DGKI: variants seen among roughly 807,000 people sequenced by gnomAD.
DGKI encodes the protein DAG kinase iota.
In DGKI, 55 loss-of-function variants were observed where a neutral mutation model predicts 147.5. That is an observed-to-expected ratio of 0.37 (90% CI 0.30 to 0.47). DGKI has a LOEUF of 0.47. DGKI is among the 20% of genes least tolerant of loss of function. The pLI, the probability that DGKI is intolerant of heterozygous loss-of-function variation, is 1.00. For missense variants in DGKI, 1,007 were observed against 1,323.8 expected, an observed-to-expected ratio of 0.76 and a Z score of 3.71; for synonymous variants, 469 against 477.1, an observed-to-expected ratio of 0.98 and a Z score of 0.22.
rs1823717175 is a variant in DGKI at position 137,694,386 on chromosome 7, CA to C, written c.402-4385del. Among the ~76,000 whole-genome samples the C allele has an allele frequency of 2.0e-5, 3 of 152,154 alleles. No individual in the cohort carries two copies. In the South Asian group the frequency reaches 6.2e-4, roughly 32 times the overall value. Reference sequence around the variant, plus strand: ...CCAGAGATACCCTTTTCTAATTACCCACTTTGCAAATTTCTCTCAATTTCCT... The same window carrying C: ...CCAGAGATACCCTTTTCTAATTACCCCTTTGCAAATTTCTCTCAATTTCCT... On this transcript the variant is annotated intron_variant, in intron 1 of 32. Transcript: ENST00000614521.
intron 30 of DGKI, among the ~76,000 whole-genome samples, chr7:137,399,476 T>C (rs1348964987): frequency 3.3e-5 from 5 of 152,200 alleles, no homozygotes; most frequent in Non-Finnish European, 7.3e-5. Context: ...GCGAGGTTTC[T>C]GGAGCTGTCC....
rs372246748 is a variant in DGKI at position 137,504,108 on chromosome 7, AC to A, written c.2249-16420del. 1.1e-4 allele frequency among the ~76,000 whole-genome samples: 17 copies of A among 152,328 alleles called. No homozygotes were observed. In the South Asian group the frequency reaches 2.9e-3, roughly 26 times the overall value. ...GCCAAAGCAGAAAGAGCCACCTTTC[AC>A]ACTAAGTCCATGTGAAAGTGATAAT... On this transcript the variant is annotated intron_variant, in intron 21 of 32. Transcript: ENST00000614521.
intron 1 of DGKI, among the ~76,000 whole-genome samples, chr7:137,770,381 TAGATG>T (rs1563189940): frequency 9.2e-5 from 14 of 152,192 alleles, no homozygotes; most frequent in Admixed American, 4.6e-4. Context: ...GCTTAAAACC[TAGATG>T]ACGGGTTGAT....
intron 27 of DGKI, among the ~76,000 whole-genome samples, chr7:137,457,734 A>C (rs1165395549): frequency 6.6e-6 from 1 of 152,148 alleles, no homozygotes. Context: ...ACTACCATTG[A>C]ATGTTTTCCA....
chr7:137,736,310 G>A (rs912657214), intron 1 of DGKI, among the ~76,000 whole-genome samples: 2 of 152,048 alleles, frequency 1.3e-5, no homozygotes, highest in Non-Finnish European at 2.9e-5. Context: ...CATCAAGCTA[G>A]GTTGCACGAG....
intron 10 of DGKI, among the ~76,000 whole-genome samples, chr7:137,600,840 T>C (rs1426648020): frequency 3.3e-5 from 5 of 152,226 alleles, no homozygotes; most frequent in African/African-American, 1.2e-4. Flanking sequence ...TATACTGGTT[T>C]GTTTAAGCCA....
In DGKI at chr7:137,770,664, G is replaced by A. The variant is rs1239311429; in HGVS notation, c.401+75798C>T. 2.1e-5 allele frequency among the ~76,000 whole-genome samples: 2 copies of A among 95,430 alleles called. 1 individual carries two copies. Among genetic ancestry groups the A allele is most frequent in the Non-Finnish European group, 3.7e-5 (2 of 53,710 alleles). 62.6% of individuals were successfully genotyped at this position (95,430 alleles called of 152,430 possible). On this transcript the variant is annotated intron_variant, in intron 1 of 32. Transcript: ENST00000614521. Reference sequence around the variant, plus strand: ...TTCTCCTGCCTCAGCCTCCCAAGTAGCTGGGACTACAGGCGCCCGCCACTA... The same window carrying A: ...TTCTCCTGCCTCAGCCTCCCAAGTAACTGGGACTACAGGCGCCCGCCACTA...
Position 137,485,271 on chromosome 7 carries a change from C to A in DGKI, c.2373+103G>T, listed in dbSNP as rs560274049. 32 of 885,712 alleles carry A rather than the reference C, an allele frequency of 3.6e-5. No homozygotes were observed. The African/African-American group carries it at 5.1e-4, about 14-fold the overall frequency. The allele number at this position is 885,712 out of a possible 1,614,324, so 54.9% of individuals were successfully genotyped here. ...ACTAGATTCTTAGAATGAACTCTAT[C>A]CCTAGGGAAGATGTGAACTCTAAAT... is the stretch of plus-strand genomic sequence containing the variant. On this transcript the variant is annotated intron_variant, in intron 23 of 32. Transcript: ENST00000614521.
intron 20 of DGKI, among the ~76,000 whole-genome samples, chr7:137,548,479 T>C (rs834057): frequency 0.11 from 16,569 of 151,904 alleles, 2,038 homozygotes; most frequent in African/African-American, 0.3. Context: ...ATGTGAGAAT[T>C]AGTTGTTTAA....
chr7:137,461,855 AAG>A (rs1814455670), intron 27 of DGKI, among the ~76,000 whole-genome samples: 1 of 152,212 alleles, frequency 6.6e-6, no homozygotes, highest in South Asian at 2.1e-4. Context: ...ACCAAAAATT[AAG>A]AGACATCCCT....
chr7:137,400,667 G>T (rs916864850), intron 30 of DGKI, among the ~76,000 whole-genome samples: 7 of 151,980 alleles, frequency 4.6e-5, no homozygotes, highest in African/African-American at 1.2e-4. Context: ...TTCCCTCCAC[G>T]CCCTTTCATC....
At chr7:137,738,551 G>A (rs2116696391) in intron 1 of DGKI, among the ~76,000 whole-genome samples, 1 of 152,194 alleles carries the variant, frequency 6.6e-6, no homozygotes, top group Non-Finnish European at 1.5e-5. Flanking sequence ...AAAAAGATGT[G>A]TTTATAAACT....
At chr7:137,417,458 G>A (rs1812401330) in intron 28 of DGKI, among the ~76,000 whole-genome samples, 1 of 152,090 alleles carries the variant, frequency 6.6e-6, no homozygotes, top group Non-Finnish European at 1.5e-5. Context: ...CAGAAAACTG[G>A]GACTGAGAAG....
intron 20 of DGKI, among the ~76,000 whole-genome samples, chr7:137,551,150 G>T (rs1818032025): frequency 6.6e-6 from 1 of 152,128 alleles, no homozygotes; most frequent in African/African-American, 2.4e-5. Context: ...AATTCTGGGG[G>T]AAGTCCAGAT....
At chr7:137,697,749 A>G (rs1203139227) in intron 1 of DGKI, among the ~76,000 whole-genome samples, 1 of 152,176 alleles carries the variant, frequency 6.6e-6, no homozygotes, top group Non-Finnish European at 1.5e-5. Flanking sequence ...CAATTACTAA[A>G]TAAAAAGATT....
chr7:137,473,994 G>C (rs10235650), intron 23 of DGKI, among the ~76,000 whole-genome samples: 28,819 of 152,048 alleles, frequency 0.19, 4,028 homozygotes, highest in African/African-American at 0.39. Context: ...TCTAACTTCT[G>C]TGAAATGCTT....
chr7:137,527,191 A>G (rs1158264114), intron 20 of DGKI, among the ~76,000 whole-genome samples: 1 of 142,870 alleles, frequency 7.0e-6, no homozygotes, highest in Non-Finnish European at 1.5e-5. Context: ...TGAGACATAT[A>G]TAAGGCAGTT....
chr7:137,439,154 G>T (rs1202225345), intron 28 of DGKI, among the ~76,000 whole-genome samples: 2 of 152,122 alleles, frequency 1.3e-5, no homozygotes, highest in Non-Finnish European at 2.9e-5. Context: ...TTTAAACTGA[G>T]CAGATAACAT....
rs745381286 is a variant in DGKI, at chr7:137,788,635, T to TACACACAC, written c.401+57819_401+57826dup. On this transcript the variant is annotated intron_variant, in intron 1 of 32. Transcript: ENST00000614521. Reference sequence around the variant, plus strand: ...TGCCCTGCATACCCAAACCCATAAATACACACACACACACACACACACACA... The same window carrying TACACACAC: ...TGCCCTGCATACCCAAACCCATAAATACACACACACACACACACACACACACACACACA... 2.1e-3 allele frequency among the ~76,000 whole-genome samples: 249 copies of TACACACAC among 120,206 alleles called. 4 individuals are homozygous for TACACACAC. The highest frequency in any genetic ancestry group is 5.0e-3 in the African/African-American group (137 of 27,140). 78.9% of individuals were successfully genotyped at this position (120,206 alleles called of 152,430 possible). A position where few individuals can be genotyped will look rare whatever the true frequency, so the allele number is the denominator to read the frequency against.
Sources: allele counts gnomAD v4.1 joint callset (sites outside exome capture counted in the v4.1 genomes callset), GRCh38; gene constraint gnomAD v4.1.1; transcripts MANE v1.5; gene names NCBI Gene and HGNC (gene_info 2026-07-23, HGNC 2026-07-21).